The following FANCI variants were observed in gnomAD, a reference collection of about 807,000 sequenced individuals.
The protein encoded by FANCI is FA complementation group I.
In FANCI, 156 loss-of-function variants were observed where a neutral mutation model predicts 176.1. That is an observed-to-expected ratio of 0.89 (90% confidence interval 0.78 to 1.01). The LOEUF is 1.01. Ranked by LOEUF, FANCI falls within the 50% of genes least tolerant of loss-of-function variation. The probability of loss-of-function intolerance (pLI) is 0.00; values close to 1 mark genes in which losing one functional copy is unlikely to be tolerated. For missense variants in FANCI, 1,678 were observed against 1,534.1 expected (o/e 1.09, Z -1.57); for synonymous variants, 613 against 541.7 (o/e 1.13, Z -1.83).
intron 2 of FANCI, among the ~76,000 whole-genome samples, chr15:89,255,219 G>A (rs1311997726): frequency 3.9e-5 from 6 of 152,092 alleles, no homozygotes; most frequent in South Asian, 2.1e-4. Flanking sequence ...CTGTTTGGTG[G>A]TGTCTCATGA....
rs868672734 is a variant in FANCI, at chr15:89,314,846, C to A, written c.3816+139C>A. The A allele has an allele frequency of 8.9e-5, 49 of 550,748 alleles. 1 individual carries two copies. The highest frequency in any genetic ancestry group is 2.5e-4 in the South Asian group (12 of 48,958). 34.1% of individuals were successfully genotyped at this position (550,748 alleles called of 1,614,324 possible). ...TTGCCATCCCCCCTCTCCCCCCCCCCCCCTTTTTTTTTTTGAGACTGTGTC... is the reference window on the plus strand; with the variant it reads ...TTGCCATCCCCCCTCTCCCCCCCCCACCCTTTTTTTTTTTGAGACTGTGTC... On this transcript the variant is annotated intron_variant, in intron 36 of 37. Transcript: ENST00000310775.
At chr15:89,268,637 G>A in intron 10 of FANCI, 112 bp downstream of exon 10, 2 of 1,352,368 alleles carry the variant, frequency 1.5e-6, no homozygotes, top group Admixed American at 3.8e-5. Context: ...AATGACCCTG[G>A]GTGTGGAGGA....
At chr15:89,267,782 C>G (rs1301548534) in intron 9 of FANCI, among the ~76,000 whole-genome samples, 2 of 152,058 alleles carry the variant, frequency 1.3e-5, no homozygotes, top group Admixed American at 6.5e-5. Flanking sequence ...GAAAAATTAG[C>G]CGGGCATAGT....
chr15:89,298,830 CTTTTA>C (rs1213382844), intron 24 of FANCI, among the ~76,000 whole-genome samples: 1 of 152,114 alleles, frequency 6.6e-6, no homozygotes, highest in African/African-American at 2.4e-5. Flanking sequence ...TGCCAGTAAA[CTTTTA>C]AGTTTAATGG....
chr15:89,299,802 T>C lies in FANCI; in HGVS notation c.2639T>C (p.Val880Ala), dbSNP rs1264170205. The change falls in exon 25 of 38, where the codon GTC (valine) becomes GCC (alanine). Residue 880 changes from valine to alanine, a missense_variant and splice_region_variant. By Grantham distance (64) the Val-to-Ala change is moderately conservative (BLOSUM62 0). Transcript: ENST00000310775. ...AATACCACTTTCTCCTGCTTCAGAG[T>C]CTTGCTATGGAGATACACTTCAATT... ...IFQNLCDITR[V>A]LLWRYTSIPT... 6.2e-7 allele frequency: 1 copy of C among 1,613,300 alleles called. No homozygotes were observed. The highest frequency in any genetic ancestry group is 1.3e-5 in the African/African-American group (1 of 74,888).
intron 24 of FANCI, among the ~76,000 whole-genome samples, chr15:89,297,053 G>A (rs1368189529): frequency 9.9e-5 from 15 of 150,908 alleles, no homozygotes; most frequent in Non-Finnish European, 1.3e-4. Flanking sequence ...GGTGGCTGCC[G>A]GGTGGAGACG....
Position 89,307,912 on chromosome 15 carries a change from C to T in FANCI, c.3651+240C>T, listed in dbSNP as rs145778148. The stretch of plus-strand genomic sequence containing the variant: ...GAAGCATATATGTTTGCATTTGGAG[C>T]AAGGAAGGAACAAGCATGCTCAGGC... On this transcript the variant is annotated intron_variant, in intron 34 of 37. Transcript: ENST00000310775. 837 of 1,390,342 alleles carry T rather than the reference C, an allele frequency of 6.0e-4. 5 individuals carry two copies. In the African/African-American group the frequency reaches 0.011, roughly 18 times the overall value. 86.1% of individuals were successfully genotyped at this position (1,390,342 alleles called of 1,614,324 possible).
Position 89,258,874 on chromosome 15 carries a change from C to T in FANCI, c.157+98C>T, listed in dbSNP as rs149132355. The stretch of plus-strand genomic sequence containing the variant: ...CTTACGGTTTGAAGCCCCACTGGAA[C>T]ATTTTCCATGTTTTGAGGATTCTAC... On this transcript the variant is annotated intron_variant, in intron 3 of 37. Coordinates refer to ENST00000310775, the MANE Select transcript of FANCI (RefSeq NM_001113378.2). The T allele has an allele frequency of 3.1e-5, 28 of 904,450 alleles. No homozygotes were observed. In the East Asian group the frequency reaches 3.4e-4, roughly 11 times the overall value. The allele number at this position is 904,450 out of a possible 1,614,324, so 56.0% of individuals were successfully genotyped here. A position where few individuals can be genotyped will look rare whatever the true frequency, so the allele number is the denominator to read the frequency against.
intron 17 of FANCI, among the ~76,000 whole-genome samples, chr15:89,283,787 C>CT (rs2053711022): frequency 1.3e-5 from 2 of 149,580 alleles, no homozygotes; most frequent in African/African-American, 4.9e-5. Flanking sequence ...CGGAGTCAGT[C>CT]TGTCACCCAG....
At chr15:89,293,685 G>C in intron 22 of FANCI, 148 bp from the exon 23 acceptor site, 3 of 858,334 alleles carry the variant, frequency 3.5e-6, no homozygotes, top group Non-Finnish European at 5.5e-6. Context: ...TGTGACCTGG[G>C]AGTATTATAT....
intron 1 of FANCI, among the ~76,000 whole-genome samples, chr15:89,246,173 CCTT>C (rs1420440849): frequency 2.0e-5 from 3 of 152,220 alleles, no homozygotes; most frequent in Admixed American, 6.5e-5. Context: ...TGTACTTCCC[CCTT>C]CTATTTTCAT....
chr15:89,254,238 A>G (rs751379050), intron 2 of FANCI, among the ~76,000 whole-genome samples: 1 of 152,312 alleles, frequency 6.6e-6, no homozygotes, highest in Non-Finnish European at 1.5e-5. Context: ...CTTAGTAACA[A>G]CAAACACACC....
chr15:89,273,471 T>C lies in FANCI; in HGVS notation c.975+2T>C. On this transcript the variant is annotated splice_donor_variant, in intron 11 of 37. Coordinates refer to ENST00000310775, the MANE Select transcript of FANCI (RefSeq NM_001113378.2). LOFTEE classifies it high-confidence loss of function. The stretch of plus-strand genomic sequence containing the variant: ...AGAATACAAAGATTTCAGGACCAGG[T>C]ATTTTTTTAAAATGCCATTTTGTTT... 1 of 1,517,056 alleles carries C rather than the reference T, an allele frequency of 6.6e-7. No homozygotes were observed. Among genetic ancestry groups the C allele is most frequent in the Non-Finnish European group, 9.1e-7 (1 of 1,097,758 alleles). The allele number at this position is 1,517,056 out of a possible 1,614,324, so 94.0% of individuals were successfully genotyped here.
intron 18 of FANCI, among the ~76,000 whole-genome samples, chr15:89,288,269 C>T (rs960793111): frequency 3.3e-5 from 5 of 152,160 alleles, no homozygotes; most frequent in African/African-American, 1.2e-4. Flanking sequence ...CAAAGGTGCA[C>T]TAAGGATAGG....
chr15:89,286,358 C>T (rs894543241), intron 18 of FANCI, among the ~76,000 whole-genome samples: 4 of 152,240 alleles, frequency 2.6e-5, no homozygotes, highest in Admixed American at 6.5e-5. Flanking sequence ...GTTTACTGAA[C>T]GTCTGATTAA....
rs1491367336 is a variant in FANCI at position 89,268,702 on chromosome 15, CCT to C, written c.882+178_882+179del. On this transcript the variant is annotated intron_variant, in intron 10 of 37. Coordinates refer to ENST00000310775, the MANE Select transcript of FANCI (RefSeq NM_001113378.2). ...GAAAATACATGATGTTACCACACTC[CCT>C]TTTTTTTAATGTCCTCACTTTAGCA... 7 of 689,394 alleles carry C rather than the reference CCT, an allele frequency of 1.0e-5. No homozygotes were observed. In the African/African-American group the frequency reaches 1.3e-4, roughly 13 times the overall value. 42.7% of individuals were successfully genotyped at this position (689,394 alleles called of 1,614,324 possible). A position where few individuals can be genotyped will look rare whatever the true frequency, so the allele number is the denominator to read the frequency against.
At chr15:89,256,701 C>T (rs1029694407) in intron 2 of FANCI, among the ~76,000 whole-genome samples, 1 of 152,082 alleles carries the variant, frequency 6.6e-6, no homozygotes, top group South Asian at 2.1e-4. Context: ...TTGGCACTTC[C>T]ACTTGGATAT....
At chr15:89,274,724 C>G (rs2053341863) in intron 12 of FANCI, among the ~76,000 whole-genome samples, 1 of 149,930 alleles carries the variant, frequency 6.7e-6, no homozygotes, top group Non-Finnish European at 1.5e-5. Context: ...CCCACCTGAA[C>G]CTCTCGAGTA....
intron 2 of FANCI, among the ~76,000 whole-genome samples, chr15:89,251,601 A>G (rs948067794): frequency 6.6e-6 from 1 of 152,244 alleles, no homozygotes; most frequent in African/African-American, 2.4e-5. Context: ...ATATTGATAT[A>G]AAAGTCTTAA....
Sources: gnomAD v4.1 joint callset for allele counts (sites outside exome capture counted in the v4.1 genomes callset) on GRCh38, gnomAD v4.1.1 for gene constraint, MANE v1.5 for transcripts, NCBI Gene and HGNC (gene_info 2026-07-23, HGNC 2026-07-21) for gene names.